Variants in SORCS1 observed in about 807,000 individuals in gnomAD.
The protein encoded by SORCS1 is VPS10 domain-containing receptor SorCS1.
In SORCS1, 60 loss-of-function variants were observed where a neutral mutation model predicts 146.1. The observed-to-expected ratio is 0.41, with a 90% CI of 0.33 to 0.51. SORCS1 has a LOEUF of 0.51. SORCS1 is among the 20% of genes least tolerant of loss of function. The pLI is 0.21. For missense variants in SORCS1, 1,352 were observed against 1,487.6 expected (o/e 0.91, Z 1.50); for synonymous variants, 637 against 584.0 (o/e 1.09, Z -1.31).
At chr10:106,795,806 G>C (rs932493497) in intron 3 of SORCS1, among the ~76,000 whole-genome samples, 6 of 152,204 alleles carry the variant, frequency 3.9e-5, no homozygotes, top group Admixed American at 6.5e-5. Context: ...GAGACAGCAG[G>C]GGGAGGCAGT....
At chr10:106,976,642 G>C (rs1443075474) in intron 1 of SORCS1, among the ~76,000 whole-genome samples, 3 of 152,006 alleles carry the variant, frequency 2.0e-5, no homozygotes, top group Non-Finnish European at 4.4e-5. Context: ...CCATCATCTA[G>C]GTTTTAAGCC....
intron 1 of SORCS1, among the ~76,000 whole-genome samples, chr10:107,022,907 C>T (rs994633562): frequency 6.6e-6 from 1 of 152,210 alleles, no homozygotes; most frequent in African/African-American, 2.4e-5. Context: ...CCTCCCTCTG[C>T]TACAGCACAA....
chr10:107,123,597 A>T (rs1966528126), intron 1 of SORCS1, among the ~76,000 whole-genome samples: 1 of 152,218 alleles, frequency 6.6e-6, no homozygotes, highest in Non-Finnish European at 1.5e-5. Flanking sequence ...TATATTGGAT[A>T]ACTTTTAGAA....
intron 1 of SORCS1, among the ~76,000 whole-genome samples, chr10:107,100,386 C>T (rs1003602887): frequency 2.0e-5 from 3 of 151,824 alleles, no homozygotes; most frequent in African/African-American, 4.8e-5. Flanking sequence ...TGGTGGCGGG[C>T]GCCTGTAGTC....
At chr10:106,812,149 C>T (rs1468273016) in intron 3 of SORCS1, among the ~76,000 whole-genome samples, 2 of 152,064 alleles carry the variant, frequency 1.3e-5, no homozygotes, top group African/African-American at 4.8e-5. Context: ...TACAGGCGCC[C>T]GCCACTGCAT....
intron 23 of SORCS1, among the ~76,000 whole-genome samples, chr10:106,602,635 T>C (rs1846321510): frequency 6.6e-6 from 1 of 151,978 alleles, no homozygotes; most frequent in Non-Finnish European, 1.5e-5. Flanking sequence ...CCGTCATAAA[T>C]ATGTGTTTCC....
intron 2 of SORCS1, among the ~76,000 whole-genome samples, chr10:106,925,471 A>G (rs537268364): frequency 9.2e-5 from 14 of 152,296 alleles, no homozygotes; most frequent in Admixed American, 3.3e-4. Flanking sequence ...ACAGAGGCTA[A>G]GAGGTGGCCC....
intron 2 of SORCS1, among the ~76,000 whole-genome samples, chr10:106,857,652 G>A (rs1286667896): frequency 2.0e-5 from 3 of 152,136 alleles, no homozygotes; most frequent in Admixed American, 6.5e-5. Context: ...GAATAATTTA[G>A]GGTTTGGAAA....
Position 106,989,982 on chromosome 10 carries a change from G to A in SORCS1, c.559-33402C>T, listed in dbSNP as rs189867566. 1.1e-3 allele frequency among the ~76,000 whole-genome samples: 173 copies of A among 151,512 alleles called. 1 individual carries two copies. The highest frequency in any genetic ancestry group is 3.0e-3 in the African/African-American group (123 of 41,308). The stretch of plus-strand genomic sequence containing the variant: ...ATTACAGGCATGAGCCACCACACCC[G>A]GCCTACCCATGTTTTCTTAATTCAG... On this transcript the variant is annotated intron_variant, in intron 1 of 25. Transcript: ENST00000263054.
intron 19 of SORCS1, 76 bp downstream of exon 19, chr10:106,629,126 T>A: frequency 7.6e-7 from 1 of 1,324,178 alleles, no homozygotes; most frequent in Non-Finnish European, 1.1e-6. Flanking sequence ...TTCTTCTAGA[T>A]ATAAAATTGT....
rs1961043695 is a variant in SORCS1, at chr10:107,060,130, A to C, written c.559-103550T>G. Among the ~76,000 whole-genome samples the C allele has an allele frequency of 6.6e-6, 1 of 151,966 alleles. No homozygotes were observed. The highest frequency in any genetic ancestry group is 2.4e-5 in the African/African-American group (1 of 41,362). The stretch of plus-strand genomic sequence containing the variant: ...GCCTGCCAGACCTCATCACACACAC[A>C]CACACACAGTATCCCATATCAGATA... On this transcript the variant is annotated intron_variant, in intron 1 of 25. Transcript: ENST00000263054. This position sits in a 1 kb window ranked among gnomAD's most constrained non-coding sequence, Gnocchi z 4.1.
chr10:106,830,857 C>T (rs1027289013), intron 2 of SORCS1, among the ~76,000 whole-genome samples: 1 of 152,010 alleles, frequency 6.6e-6, no homozygotes. Context: ...GATCACACCA[C>T]TGCACTCCAG....
At chr10:106,800,261 C>G (rs945271988) in intron 3 of SORCS1, among the ~76,000 whole-genome samples, 1 of 151,982 alleles carries the variant, frequency 6.6e-6, no homozygotes, top group African/African-American at 2.4e-5. Flanking sequence ...ACTCACCCAC[C>G]AAGGAAAGTA....
Position 107,163,989 on chromosome 10 carries a change from A to G in SORCS1, c.538T>C (p.Trp180Arg), listed in dbSNP as rs769120957. 1.9e-6 allele frequency: 3 copies of G among 1,613,756 alleles called. No individual in the cohort carries two copies. The highest frequency in any genetic ancestry group is 4.5e-5 in the East Asian group (2 of 44,854). ...CTCACGCTGCTGTTGTGGCCAGACC[A>G]GTGGACCATGGCTTGGTTGTGTGCT... is the stretch of plus-strand genomic sequence containing the variant. Reference protein sequence around the residue: ...DSAHNQAMVHWSGHNSSVILI... With the variant: ...DSAHNQAMVHRSGHNSSVILI... Residue 180 changes from tryptophan to arginine, a missense_variant, in exon 1 of 26, where the codon TGG becomes CGG. Trp to Arg is a moderately radical substitution (Grantham distance 101). Coordinates refer to ENST00000263054, the MANE Select transcript of SORCS1 (RefSeq NM_052918.5).
At chr10:106,671,048 C>T (rs1851557576) in intron 16 of SORCS1, among the ~76,000 whole-genome samples, 189 bp downstream of exon 16, 1 of 152,126 alleles carries the variant, frequency 6.6e-6, no homozygotes, top group South Asian at 2.1e-4. Context: ...CTCTTTCAGT[C>T]TAAAGAAACT....
At chr10:106,988,182 C>T (rs1489031159) in intron 1 of SORCS1, among the ~76,000 whole-genome samples, 2 of 152,212 alleles carry the variant, frequency 1.3e-5, no homozygotes, top group Non-Finnish European at 2.9e-5. Context: ...CAACTTTGGA[C>T]AGCATCTTTA....
At chr10:106,705,703 C>G (rs546601424) in intron 8 of SORCS1, among the ~76,000 whole-genome samples, 1 of 152,268 alleles carries the variant, frequency 6.6e-6, no homozygotes, top group South Asian at 2.1e-4. Context: ...AAATACATCA[C>G]GATGGCAGCA....
At chr10:106,614,364 A>G (rs1847210417) in intron 21 of SORCS1, among the ~76,000 whole-genome samples, 1 of 152,240 alleles carries the variant, frequency 6.6e-6, no homozygotes, top group South Asian at 2.1e-4. Context: ...ATTTCCTAAC[A>G]ATGCTAAGGA....
intron 1 of SORCS1, among the ~76,000 whole-genome samples, chr10:107,086,186 A>G (rs1483785175): frequency 6.6e-6 from 1 of 152,196 alleles, no homozygotes; most frequent in Non-Finnish European, 1.5e-5. Context: ...CACAATTCAA[A>G]CAGAAGTCCT....
Sources: gnomAD v4.1 joint callset for allele counts (sites outside exome capture counted in the v4.1 genomes callset) on GRCh38, gnomAD v4.1.1 for gene constraint, Gnocchi (gnomAD v3.1) non-coding constraint, MANE v1.5 for transcripts, NCBI Gene and HGNC (gene_info 2026-07-23, HGNC 2026-07-21) for gene names.